STAM: variants seen among roughly 807,000 people sequenced by gnomAD.
The protein encoded by STAM is signal transducing adapter molecule 1.
Under a neutral mutation model 63.4 loss-of-function variants are expected in STAM, and 16 were observed. The ratio of observed to expected loss-of-function variants is 0.25; its 90% CI spans 0.17 to 0.38. The LOEUF is 0.38. Among genes scored for constraint, STAM ranks in the 10% least tolerant of loss-of-function variants. The pLI, the probability that STAM is intolerant of heterozygous loss-of-function variation, is 1.00. For missense variants in STAM, 636 were observed against 657.1 expected (o/e 0.97, Z 0.35); for synonymous variants, 238 against 223.9 (o/e 1.06, Z -0.56).
At chr10:17,689,530 C>G (rs1835441038) in intron 5 of STAM, among the ~76,000 whole-genome samples, 2 of 152,178 alleles carry the variant, frequency 1.3e-5, no homozygotes, top group African/African-American at 4.8e-5. Flanking sequence ...TTTGAAAATT[C>G]ATTCATTCAT....
At chr10:17,660,599 C>A (rs368710070) in intron 2 of STAM, 51 bp downstream of exon 2, 3 of 1,466,498 alleles carry the variant, frequency 2.0e-6, no homozygotes, top group Non-Finnish European at 2.8e-6. Flanking sequence ...TTAAAAAACA[C>A]GAAAGGCCAG....
At chr10:17,709,021 T>A in intron 13 of STAM, 70 bp downstream of exon 13, 1 of 1,522,860 alleles carries the variant, frequency 6.6e-7, no homozygotes, top group Admixed American at 1.9e-5. Flanking sequence ...CAGTTATCTA[T>A]AACTATAAAA....
intron 5 of STAM, among the ~76,000 whole-genome samples, chr10:17,690,144 C>T (rs892826717): frequency 5.9e-5 from 9 of 152,184 alleles, no homozygotes; most frequent in Non-Finnish European, 1.0e-4. Context: ...GGACACAGCT[C>T]ATAGTTGACA....
At chr10:17,655,802 A>G (rs116044470) in intron 1 of STAM, among the ~76,000 whole-genome samples, 67 of 152,256 alleles carry the variant, frequency 4.4e-4, no homozygotes, top group African/African-American at 1.5e-3. Context: ...GGAGACTGCT[A>G]TTGAAGATCT....
intron 1 of STAM, among the ~76,000 whole-genome samples, chr10:17,648,952 G>C (rs1833629510): frequency 3.9e-5 from 6 of 152,048 alleles, no homozygotes; most frequent in Admixed American, 3.9e-4. Flanking sequence ...AAATCTGAAC[G>C]CTCCAAGCTC....
At chr10:17,703,557 A>G (rs187624092) in intron 9 of STAM, among the ~76,000 whole-genome samples, 1 of 152,282 alleles carries the variant, frequency 6.6e-6, no homozygotes. Flanking sequence ...GGTCATGGTA[A>G]AGTAGATCTG....
chr10:17,695,887 CTAACTGGTTTA>C (rs1440900495), intron 7 of STAM: 1 of 152,162 alleles, frequency 6.6e-6, no homozygotes, highest in Non-Finnish European at 1.5e-5. Context: ...CTACCGTAGA[CTAACTGGTTTA>C]TAAACAACAG....
At chr10:17,667,635 G>T (rs1400767620) in intron 2 of STAM, among the ~76,000 whole-genome samples, 1 of 152,230 alleles carries the variant, frequency 6.6e-6, no homozygotes, top group Non-Finnish European at 1.5e-5. Context: ...TATTCTAATG[G>T]TGGAAGATGT....
At chr10:17,704,366 A>C in intron 9 of STAM, 65 bp from the exon 10 acceptor site, 1 of 1,391,394 alleles carries the variant, frequency 7.2e-7, no homozygotes, top group East Asian at 2.3e-5. Context: ...AGTTGATAAT[A>C]AAGTGAAAAC....
intron 2 of STAM, among the ~76,000 whole-genome samples, chr10:17,670,885 T>C (rs1254244700): frequency 6.6e-6 from 1 of 152,182 alleles, no homozygotes; most frequent in Non-Finnish European, 1.5e-5. Context: ...TTTTATGTAA[T>C]GTATGTTACA....
At chr10:17,670,168 G>A (rs1215036416) in intron 2 of STAM, among the ~76,000 whole-genome samples, 1 of 152,138 alleles carries the variant, frequency 6.6e-6, no homozygotes, top group African/African-American at 2.4e-5. Flanking sequence ...TGTTGACTAG[G>A]CAATAGGGAA....
intron 1 of STAM, among the ~76,000 whole-genome samples, chr10:17,655,370 T>A (rs1007138012): frequency 6.6e-6 from 1 of 152,204 alleles, no homozygotes; most frequent in Non-Finnish European, 1.5e-5. Flanking sequence ...GTGAATAACC[T>A]GCTTTTGCTA....
intron 1 of STAM, among the ~76,000 whole-genome samples, chr10:17,654,586 A>C (rs1554821929): frequency 6.6e-6 from 1 of 152,192 alleles, no homozygotes; most frequent in Non-Finnish European, 1.5e-5. Flanking sequence ...TTGCAGATAC[A>C]TGAGTAGTCT....
At chr10:17,690,928 A>G (rs1835503495) in intron 5 of STAM, among the ~76,000 whole-genome samples, 1 of 152,232 alleles carries the variant, frequency 6.6e-6, no homozygotes, top group Non-Finnish European at 1.5e-5. Flanking sequence ...TAAAAAGTGC[A>G]GTTCAGAAAC....
At chr10:17,689,061 T>A (rs1464891624) in intron 5 of STAM, among the ~76,000 whole-genome samples, 2 of 152,212 alleles carry the variant, frequency 1.3e-5, no homozygotes, top group African/African-American at 2.4e-5. Context: ...GCTAAATAGC[T>A]TAACTTTGCT....
intron 8 of STAM, 110 bp from the exon 9 acceptor site, chr10:17,700,081 C>CT (rs1835923014): frequency 1.3e-6 from 1 of 783,648 alleles, no homozygotes; most frequent in South Asian, 2.3e-5. Context: ...CGCCTTTTAG[C>CT]TTGCTGGGAG....
At chr10:17,688,704 C>T (rs1196711446) in intron 5 of STAM, among the ~76,000 whole-genome samples, 1 of 151,910 alleles carries the variant, frequency 6.6e-6, no homozygotes, top group Non-Finnish European at 1.5e-5. Flanking sequence ...CTCAGGTGTT[C>T]TGCCCGCCTC....
chr10:17,660,681 T>G, intron 2 of STAM, 133 bp downstream of exon 2: 3 of 572,326 alleles, frequency 5.2e-6, no homozygotes, highest in Non-Finnish European at 9.0e-6. Flanking sequence ...AGCCCAGGAG[T>G]TAGAGGCTGC....
chr10:17,671,165 T>A (rs1356412444), intron 2 of STAM, among the ~76,000 whole-genome samples: 1 of 152,204 alleles, frequency 6.6e-6, no homozygotes. Flanking sequence ...TACTAAGACC[T>A]ATAAAAGCTA....
Sources: allele counts gnomAD v4.1 joint callset (sites outside exome capture counted in the v4.1 genomes callset), GRCh38; gene constraint gnomAD v4.1.1; transcripts MANE v1.5; gene names NCBI Gene and HGNC (gene_info 2026-07-23, HGNC 2026-07-21).